YPEL2: variants seen among roughly 807,000 people sequenced by gnomAD.
YPEL2 encodes yippee like 2, also known as protein yippee-like 2.
YPEL2 carries 2 observed loss-of-function variants against 19.1 expected under a neutral mutation model. The ratio of observed to expected loss-of-function variants is 0.10; its 90% CI spans 0.04 to 0.33. The LOEUF (loss-of-function observed/expected upper bound fraction) is 0.33. YPEL2 is among the 10% of genes least tolerant of loss of function. YPEL2 has a pLI of 1.00. For missense variants in YPEL2, 66 were observed against 140.7 expected (o/e 0.47, Z 2.68); for synonymous variants, 52 against 50.0 (o/e 1.04, Z -0.17).
intron 2 of YPEL2, among the ~76,000 whole-genome samples, chr17:59,373,017 G>A (rs887971779): frequency 6.6e-6 from 1 of 152,174 alleles, no homozygotes; most frequent in Admixed American, 6.5e-5. Flanking sequence ...GGGATTACAG[G>A]CGTGTGCCAC....
intron 2 of YPEL2, among the ~76,000 whole-genome samples, chr17:59,370,028 C>T (rs1238457673): frequency 6.6e-6 from 1 of 152,164 alleles, no homozygotes; most frequent in Non-Finnish European, 1.5e-5. Context: ...CCAAGGAGAC[C>T]CAGCTAGGAA....
At chr17:59,394,378 C>G (rs147154641) in intron 4 of YPEL2, among the ~76,000 whole-genome samples, 6 of 143,420 alleles carry the variant, frequency 4.2e-5, no homozygotes, top group African/African-American at 1.1e-4. Flanking sequence ...CCAGACGGGG[C>G]GGCGGGGCAG....
intron 2 of YPEL2, among the ~76,000 whole-genome samples, chr17:59,382,756 A>G (rs2047956167): frequency 6.6e-6 from 1 of 152,200 alleles, no homozygotes; most frequent in Non-Finnish European, 1.5e-5. Flanking sequence ...GACGTATTCT[A>G]ATGAGAGGGT....
rs190882471 is a variant in YPEL2 at position 59,353,546 on chromosome 17, C to T, written c.117+20C>T. 6.3e-7 allele frequency: 1 copy of T among 1,588,510 alleles called. No homozygotes were observed. Reference sequence around the variant, plus strand: ...TCCAAGGTACACATTTCCAGCAGGCCTTCCTTGCCTACCCCGGGGAGGGCG... The same window carrying T: ...TCCAAGGTACACATTTCCAGCAGGCTTTCCTTGCCTACCCCGGGGAGGGCG... On this transcript the variant is annotated intron_variant, in intron 2 of 4. Coordinates refer to ENST00000312655, the MANE Select transcript of YPEL2 (RefSeq NM_001005404.4). This position sits in a 1 kb window ranked among gnomAD's most constrained non-coding sequence, Gnocchi z 4.8.
chr17:59,394,848 A>T lies in YPEL2; in HGVS notation c.271-2253A>T, dbSNP rs544284174. Among the ~76,000 whole-genome samples, 252 of 152,358 alleles carry T rather than the reference A, an allele frequency of 1.7e-3. 1 individual carries two copies. The highest frequency in any genetic ancestry group is 5.9e-3 in the African/African-American group (244 of 41,586). On this transcript the variant is annotated intron_variant, in intron 4 of 4. Coordinates refer to ENST00000312655, the MANE Select transcript of YPEL2 (RefSeq NM_001005404.4). ...CCGTCTGCAATCCCGGCACCTCGGG[A>T]GGCTGAGGCTGGCGGATCACTCGCG...
chr17:59,366,996 G>A lies in YPEL2; in HGVS notation c.117+13470G>A, dbSNP rs145088100. On this transcript the variant is annotated intron_variant, in intron 2 of 4. Coordinates refer to ENST00000312655, the MANE Select transcript of YPEL2 (RefSeq NM_001005404.4). ...GGGGGCAGGTGCTGGGTAAATACAC[G>A]AGAAAGGAAAGCCAATAAGATAAGG... Among the ~76,000 whole-genome samples, 193 of 152,286 alleles carry A rather than the reference G, an allele frequency of 1.3e-3. 2 individuals carry two copies. In the East Asian group the frequency reaches 0.026, roughly 20 times the overall value.
intron 2 of YPEL2, among the ~76,000 whole-genome samples, chr17:59,376,411 GT>G (rs2047921107): frequency 6.6e-6 from 1 of 152,128 alleles, no homozygotes; most frequent in Non-Finnish European, 1.5e-5. Context: ...TAGAGACGGG[GT>G]TTCACCATTT....
At chr17:59,389,590 C>CA in intron 4 of YPEL2, 122 bp downstream of exon 4, 1 of 711,420 alleles carries the variant, frequency 1.4e-6, no homozygotes, top group East Asian at 2.7e-5. Context: ...CCAGAATAGT[C>CA]ACCTGTCTAC....
At chr17:59,335,390 T>A (rs1356973323) in intron 1 of YPEL2, among the ~76,000 whole-genome samples, 1 of 152,042 alleles carries the variant, frequency 6.6e-6, no homozygotes, top group Non-Finnish European at 1.5e-5. Flanking sequence ...CTTGTCCTAC[T>A]CCCCCATCTT....
chr17:59,377,939 C>T (rs942695217), intron 2 of YPEL2, among the ~76,000 whole-genome samples: 1 of 152,204 alleles, frequency 6.6e-6, no homozygotes, highest in African/African-American at 2.4e-5. Context: ...TTACTATACA[C>T]ACAATCATTT....
chr17:59,334,900 T>C (rs866235256), intron 1 of YPEL2, among the ~76,000 whole-genome samples: 3 of 152,100 alleles, frequency 2.0e-5, no homozygotes, highest in Non-Finnish European at 4.4e-5. Flanking sequence ...TGGCAAGGGA[T>C]AAGATGTCCC....
chr17:59,381,325 G>C (rs1027117449), intron 2 of YPEL2, among the ~76,000 whole-genome samples: 5 of 152,296 alleles, frequency 3.3e-5, no homozygotes, highest in South Asian at 2.1e-4. Context: ...ATCTCTCTCT[G>C]CACCTCCTGA....
Position 59,346,838 on chromosome 17 carries a change from G to A in YPEL2, c.-195-6377G>A, listed in dbSNP as rs59211511. On this transcript the variant is annotated intron_variant, in intron 1 of 4. Coordinates refer to ENST00000312655, the MANE Select transcript of YPEL2 (RefSeq NM_001005404.4). ...TTCAATGGACAAGTAAGGGCCTTGT[G>A]AGGAGAGATGGAAAGGTTGTATCAG... 1.1e-4 allele frequency among the ~76,000 whole-genome samples: 16 copies of A among 152,284 alleles called. No homozygotes were observed. In the East Asian group the frequency reaches 2.9e-3, roughly 28 times the overall value.
In YPEL2 at chr17:59,400,829, G is replaced by A. The variant is rs1432316014; in HGVS notation, c.*3639G>A. 1 of 152,672 alleles carries A rather than the reference G, an allele frequency of 6.5e-6. No individual in the cohort carries two copies. Among genetic ancestry groups the A allele is most frequent in the African/African-American group, 2.4e-5 (1 of 41,538 alleles). The allele number at this position is 152,672 out of a possible 1,614,324, so 9.5% of individuals were successfully genotyped here. ...ACTTTAACTACAGTTTACACCTCGG[G>A]CGCATAAAGTTTTTCTTCTCTTTCT... On this transcript the variant is annotated 3_prime_UTR_variant, in exon 5 of 5. Coordinates refer to ENST00000312655, the MANE Select transcript of YPEL2 (RefSeq NM_001005404.4).
At chr17:59,378,679 C>A (rs559085792) in intron 2 of YPEL2, among the ~76,000 whole-genome samples, 1 of 152,264 alleles carries the variant, frequency 6.6e-6, no homozygotes, top group Non-Finnish European at 1.5e-5. Flanking sequence ...ACCCAGGCCC[C>A]CTCACCACCT....
intron 2 of YPEL2, among the ~76,000 whole-genome samples, chr17:59,358,713 G>A (rs1340801270): frequency 8.6e-5 from 13 of 151,954 alleles, no homozygotes; most frequent in African/African-American, 2.9e-4. Flanking sequence ...AGGTTCAAGC[G>A]ATTCTCCTGC....
At chr17:59,347,268 CTGAGAT>C (rs2047761035) in intron 1 of YPEL2, among the ~76,000 whole-genome samples, 1 of 152,134 alleles carries the variant, frequency 6.6e-6, no homozygotes, top group Non-Finnish European at 1.5e-5. Flanking sequence ...AATGACAGAG[CTGAGAT>C]TTGAAACTAG....
rs555569836 is a variant in YPEL2, at chr17:59,346,279, G to A, written c.-195-6936G>A. Among the ~76,000 whole-genome samples the A allele has an allele frequency of 9.9e-5, 15 of 152,276 alleles. No individual in the cohort carries two copies. In the South Asian group the frequency reaches 1.5e-3, roughly 15 times the overall value. On this transcript the variant is annotated intron_variant, in intron 1 of 4. Transcript: ENST00000312655. ...TACTTAGTCACGTTCCTACCCTCCC[G>A]TCCTTAAAGTTAGCACAAGGTCCCT...
rs892772570 is a variant in YPEL2, at chr17:59,398,527, C to T, written c.*1337C>T. 1.3e-5 allele frequency: 2 copies of T among 152,140 alleles called. No individual in the cohort carries two copies. Among genetic ancestry groups the T allele is most frequent in the African/African-American group, 4.8e-5 (2 of 41,402 alleles). 9.4% of individuals were successfully genotyped at this position (152,140 alleles called of 1,614,324 possible). On this transcript the variant is annotated 3_prime_UTR_variant, in exon 5 of 5. Transcript: ENST00000312655. ...CCAAATTCCGATATCACCCCTTCCC[C>T]CATCCAAGCATCCTTCGATTAGGGA...
Sources: gnomAD v4.1 joint callset for allele counts (sites outside exome capture counted in the v4.1 genomes callset) on GRCh38, gnomAD v4.1.1 for gene constraint, Gnocchi (gnomAD v3.1) non-coding constraint, MANE v1.5 for transcripts, NCBI Gene and HGNC (gene_info 2026-07-23, HGNC 2026-07-21) for gene names.